C1GALT1: variants seen among roughly 807,000 people sequenced by gnomAD.
C1GALT1 encodes the protein core 1 synthase, glycoprotein-N-acetylgalactosamine 3-beta-galactosyltransferase 1.
C1GALT1 carries 11 observed loss-of-function variants against 31.0 expected under a neutral mutation model. The ratio of observed to expected loss-of-function variants is 0.36; its 90% CI spans 0.22 to 0.59. C1GALT1 has a LOEUF of 0.59. Among genes scored for constraint, C1GALT1 ranks in the 20% least tolerant of loss-of-function variants. The pLI is 0.79. For missense variants in C1GALT1, 424 were observed against 425.2 expected (o/e 1.00, Z 0.03); for synonymous variants, 175 against 143.6 (o/e 1.22, Z -1.56).
chr7:7,208,197 T>TAAGGTTCAATAAAGTTAAAATA (rs574431366), intron 1 of C1GALT1, among the ~76,000 whole-genome samples: 3 of 152,178 alleles, frequency 2.0e-5, no homozygotes, highest in Admixed American at 1.3e-4. Flanking sequence ...TCAATAAAGT[T>TAAGGTTCAATAAAGTTAAAATA]AAGGTTCAAT....
rs1193979491 is a variant in C1GALT1 at position 7,246,887 on chromosome 7, G to A, written c.*3160G>A. The A allele has an allele frequency of 1.3e-5, 2 of 152,102 alleles. No homozygotes were observed. Among genetic ancestry groups the A allele is most frequent in the Non-Finnish European group, 1.5e-5 (1 of 68,024 alleles). The allele number at this position is 152,102 out of a possible 1,614,324, so 9.4% of individuals were successfully genotyped here. Reference sequence around the variant, plus strand: ...AGGATCACACTATATTAAATATAAAGATAACTTAAAGGATCATTGGATCAT... The same window carrying A: ...AGGATCACACTATATTAAATATAAAAATAACTTAAAGGATCATTGGATCAT... On this transcript the variant is annotated 3_prime_UTR_variant, in exon 4 of 4. Transcript: ENST00000436587.
At chr7:7,181,169 T>C (rs1382208980), upstream of C1GALT1, among the ~76,000 whole-genome samples, 1 of 123,096 alleles carries the variant, frequency 8.1e-6, no homozygotes, top group Non-Finnish European at 1.7e-5. Flanking sequence ...TCTCCTTCCA[T>C]GTTTCACAAT....
chr7:7,179,683 C>T (rs146638316), upstream of C1GALT1, among the ~76,000 whole-genome samples: 837 of 152,264 alleles, frequency 5.5e-3, 12 homozygotes, highest in African/African-American at 0.016. Flanking sequence ...TAATCTTCCT[C>T]ACCTAACAAC....
intron 1 of C1GALT1, among the ~76,000 whole-genome samples, chr7:7,212,978 TC>T (rs1433996586): frequency 6.6e-6 from 1 of 152,186 alleles, no homozygotes; most frequent in Non-Finnish European, 1.5e-5. Context: ...TATTAAAAGG[TC>T]ATAAATAGTT....
At chr7:7,183,083 C>T (rs1188968961) in intron 1 of C1GALT1, among the ~76,000 whole-genome samples, 1 of 152,164 alleles carries the variant, frequency 6.6e-6, no homozygotes, top group Non-Finnish European at 1.5e-5. Flanking sequence ...ATGTACCCTC[C>T]TCTTCGTCGT....
chr7:7,203,230 C>T (rs1781595663), intron 1 of C1GALT1, among the ~76,000 whole-genome samples: 4 of 151,574 alleles, frequency 2.6e-5, no homozygotes. Context: ...GGTAGAACTT[C>T]CAGTACTATG....
chr7:7,216,991 A>G (rs1782273814), intron 1 of C1GALT1, among the ~76,000 whole-genome samples: 1 of 152,050 alleles, frequency 6.6e-6, no homozygotes. Context: ...ACACACACAC[A>G]CAGGGTAAGA....
intron 2 of C1GALT1, among the ~76,000 whole-genome samples, chr7:7,166,285 T>G (rs1316644126): frequency 1.3e-5 from 2 of 152,154 alleles, no homozygotes; most frequent in Admixed American, 6.5e-5. Flanking sequence ...AATACAAAAA[T>G]TGTGGTATAT....
intron 1 of C1GALT1, among the ~76,000 whole-genome samples, chr7:7,224,163 A>ATACTATT (rs1782643017): frequency 6.6e-6 from 1 of 152,088 alleles, no homozygotes; most frequent in South Asian, 2.1e-4. Flanking sequence ...ACTTTGTGAA[A>ATACTATT]TACTAATACT....
At chr7:7,194,141 C>T (rs896872706) in intron 1 of C1GALT1, among the ~76,000 whole-genome samples, 3 of 152,076 alleles carry the variant, frequency 2.0e-5, no homozygotes, top group African/African-American at 7.2e-5. Context: ...TCGACTTCCT[C>T]TTTACTGATT....
rs150500473 is a variant in C1GALT1, at chr7:7,186,790, A to G, written c.-18+3970A>G. On this transcript the variant is annotated intron_variant, in intron 1 of 3. Transcript: ENST00000436587. ...TGACAAGCAGTTAGTATTAGGTTCA[A>G]TCTATGAAATTGCTGCTGTTTGTTC... 5.9e-5 allele frequency among the ~76,000 whole-genome samples: 9 copies of G among 152,308 alleles called. No individual in the cohort carries two copies. The East Asian group carries it at 7.7e-4, about 13-fold the overall frequency.
intron 2 of C1GALT1, among the ~76,000 whole-genome samples, chr7:7,236,725 C>A (rs1783373826): frequency 6.6e-6 from 1 of 151,946 alleles, no homozygotes; most frequent in Non-Finnish European, 1.5e-5. Context: ...AGGGTTTCAC[C>A]ATGTTGGCCA....
At chr7:7,161,861 A>G (rs1027707848) in intron 2 of C1GALT1, among the ~76,000 whole-genome samples, 2 of 152,102 alleles carry the variant, frequency 1.3e-5, no homozygotes, top group East Asian at 1.9e-4. Context: ...AGAAGATTCT[A>G]TTGAAGTTTA....
intron 1 of C1GALT1, among the ~76,000 whole-genome samples, chr7:7,231,356 C>G (rs1217067320): frequency 1.3e-5 from 2 of 152,012 alleles, no homozygotes; most frequent in Admixed American, 6.6e-5. Context: ...AGGGTTGGTA[C>G]TGTGTCAGTT....
At chr7:7,199,123 G>T (rs1314641861) in intron 1 of C1GALT1, among the ~76,000 whole-genome samples, 1 of 152,112 alleles carries the variant, frequency 6.6e-6, no homozygotes, top group Non-Finnish European at 1.5e-5. Flanking sequence ...TTTTAATTGT[G>T]ATGTCAGGGT....
intron 2 of C1GALT1, among the ~76,000 whole-genome samples, chr7:7,173,618 CT>C (rs1780476543): frequency 6.6e-6 from 1 of 152,150 alleles, no homozygotes; most frequent in Non-Finnish European, 1.5e-5. Flanking sequence ...ATAGTACAGA[CT>C]GGACTGGGCA....
chr7:7,163,290 G>A (rs908678955), intron 2 of C1GALT1, among the ~76,000 whole-genome samples: 7 of 152,026 alleles, frequency 4.6e-5, no homozygotes, highest in African/African-American at 1.7e-4. Context: ...ATTAATTTTT[G>A]TATAAAGTAT....
intron 1 of C1GALT1, among the ~76,000 whole-genome samples, chr7:7,224,080 AT>A (rs1247122263): frequency 6.6e-6 from 1 of 152,198 alleles, no homozygotes; most frequent in Non-Finnish European, 1.5e-5. Flanking sequence ...ATGTTGAACC[AT>A]CCTTACATAC....
At chr7:7,178,053 GT>G, upstream of C1GALT1, 1 of 226,480 alleles carries the variant, frequency 4.4e-6, no homozygotes. Context: ...GTGTTTAAAA[GT>G]TTACAGGAGA....
Sources: allele counts gnomAD v4.1 joint callset (sites outside exome capture counted in the v4.1 genomes callset), GRCh38; gene constraint gnomAD v4.1.1; transcripts MANE v1.5; gene names NCBI Gene and HGNC (gene_info 2026-07-23, HGNC 2026-07-21).